The following ADAR variants were observed in gnomAD, a reference collection of about 807,000 sequenced individuals.
ADAR encodes double-stranded RNA-specific adenosine deaminase.
In ADAR, 41 loss-of-function variants were observed where a neutral mutation model predicts 113.2. The ratio of observed to expected loss-of-function variants is 0.36; its 90% CI spans 0.28 to 0.47. The LOEUF (loss-of-function observed/expected upper bound fraction) is 0.47. ADAR is among the 20% of genes least tolerant of loss of function. The pLI is 1.00. For synonymous variants in ADAR, 605 were observed against 572.6 expected, an observed-to-expected ratio of 1.06 and a Z score of -0.81; for missense variants, 1,242 against 1,540.9, an observed-to-expected ratio of 0.81 and a Z score of 3.25.
exon 1 of ADAR, chr1:154,627,934 C>G (rs1178058162): frequency 5.8e-6 from 3 of 515,540 alleles, no homozygotes; most frequent in Non-Finnish European, 1.2e-5. Flanking sequence ...CACCCTCCCC[C>G]ACCACGTAGC....
In ADAR at chr1:154,608,027, C is replaced by T. The variant is rs376170660; in HGVS notation, c.-21G>A. The T allele has an allele frequency of 6.4e-7, 1 of 1,573,428 alleles. No individual in the cohort carries two copies. On this transcript the variant is annotated 5_prime_UTR_variant, in exon 1 of 15. Transcript: ENST00000368474. ...TTCATTGCGCCCGCGAGGCATTGCCCGGCCCGACCCGCCGGCGGCACGACC... is the reference window on the plus strand; with the variant it reads ...TTCATTGCGCCCGCGAGGCATTGCCTGGCCCGACCCGCCGGCGGCACGACC...
chr1:154,598,716 C>T (rs1301673271), intron 2 of ADAR, 131 bp from the exon 3 acceptor site: 14 of 881,180 alleles, frequency 1.6e-5, no homozygotes, highest in East Asian at 2.5e-5. Flanking sequence ...AAGGGTAGGC[C>T]AAGGAACTCC....
At chr1:154,596,102 C>T (rs965422225) in intron 6 of ADAR, among the ~76,000 whole-genome samples, 13 of 152,186 alleles carry the variant, frequency 8.5e-5, no homozygotes, top group Admixed American at 2.0e-4. Flanking sequence ...CACTGATGTT[C>T]TCACAACAAC....
At chr1:154,606,933 C>T (rs1226719475) in intron 1 of ADAR, among the ~76,000 whole-genome samples, 1 of 21,074 alleles carries the variant, frequency 4.7e-5, no homozygotes, top group African/African-American at 1.7e-4. Context: ...CAAAGGAGTG[C>T]TTAAAAAAAA....
intron 9 of ADAR, among the ~76,000 whole-genome samples, chr1:154,589,018 C>A (rs944034780): frequency 1.3e-5 from 2 of 152,192 alleles, no homozygotes; most frequent in African/African-American, 4.8e-5. Context: ...CTGGCAGGGG[C>A]ATCAAGGTTG....
At chr1:154,627,671 G>T (rs1015720481) in intron 1 of ADAR, among the ~76,000 whole-genome samples, 1 of 152,234 alleles carries the variant, frequency 6.6e-6, no homozygotes, top group Non-Finnish European at 1.5e-5. Context: ...CCTCCTGGAA[G>T]GCTGCCGAGA....
At chr1:154,602,724 G>A (rs924340075) in intron 1 of ADAR, 98 bp from the exon 2 acceptor site, 2 of 1,451,936 alleles carry the variant, frequency 1.4e-6, no homozygotes, top group South Asian at 1.2e-5. Flanking sequence ...AGCCCTTGAA[G>A]GGCTGAGAAG....
chr1:154,603,238 CA>C (rs1455706613), intron 1 of ADAR, among the ~76,000 whole-genome samples: 7 of 152,114 alleles, frequency 4.6e-5, no homozygotes, highest in Admixed American at 3.3e-4. Context: ...TGTAACAGCG[CA>C]GTAACGAAAA....
intron 1 of ADAR, among the ~76,000 whole-genome samples, chr1:154,622,327 G>C (rs540877375): frequency 1.1e-4 from 17 of 152,154 alleles, no homozygotes; most frequent in Non-Finnish European, 2.5e-4. Flanking sequence ...CTCTACTTCT[G>C]GAGGGCAAGA....
chr1:154,586,420 G>A, intron 11 of ADAR, 57 bp from the exon 12 acceptor site: 2 of 1,572,160 alleles, frequency 1.3e-6, no homozygotes, highest in Admixed American at 1.7e-5. Context: ...CCACTCCCTG[G>A]CGTGGTTTCT....
At chr1:154,597,757 G>A (rs1319050554) in intron 4 of ADAR, 71 bp downstream of exon 4, 8 of 1,596,754 alleles carry the variant, frequency 5.0e-6, no homozygotes, top group Non-Finnish European at 6.0e-6. Flanking sequence ...CCCTGAGGAG[G>A]CAAGGAAGAA....
intron 6 of ADAR, among the ~76,000 whole-genome samples, chr1:154,593,778 T>G (rs2101605871): frequency 6.6e-6 from 1 of 152,168 alleles, no homozygotes; most frequent in East Asian, 1.9e-4. Flanking sequence ...TCCATGAGAG[T>G]AACAATCTGA....
chr1:154,588,458 T>A, intron 10 of ADAR, 93 bp downstream of exon 10: 1 of 1,569,850 alleles, frequency 6.4e-7, no homozygotes, highest in African/African-American at 1.3e-5. Flanking sequence ...GCTTATTGTA[T>A]CAGGTTCGAT....
Position 154,601,970 on chromosome 1 carries a change from G to C in ADAR, c.672C>G (p.Asp224Glu). 1 of 1,614,114 alleles carries C rather than the reference G, an allele frequency of 6.2e-7. No homozygotes were observed. Among genetic ancestry groups the C allele is most frequent in the Non-Finnish European group, 8.5e-7 (1 of 1,180,012 alleles). The change falls in exon 2 of 15, where the codon GAC (aspartate) becomes GAG (glutamate). Residue 224 changes from aspartate to glutamate, a missense_variant. By Grantham distance (45) the Asp-to-Glu change is conservative. Around this residue, in one of 2 missense-constraint regions of ADAR, gnomAD observed 462 missense variants for 483.1 expected, o/e 0.96. Transcript: ENST00000368474. This position sits in a 1 kb window ranked among gnomAD's most constrained non-coding sequence, Gnocchi z 4.7. ...TTCTGTCTTCCGGTTCCAAACTCGG[G>C]TCTGAGTTTGGGGCTCCTTGGCTAT... ...DGHSQGAPNS[D>E]PSLEPEDRNS... is the part of the protein sequence containing the mutation.
Position 154,598,591 on chromosome 1 carries a change from C to A in ADAR, c.1602-6G>T. On this transcript the variant is annotated splice_polypyrimidine_tract_variant and splice_region_variant and intron_variant, in intron 2 of 14. Transcript: ENST00000368474. Reference sequence around the variant, plus strand: ...TGACAACCTGGAATTTAAATCTTGACGGAAAGTGATTAGATGTGTGAACAG... The same window carrying A: ...TGACAACCTGGAATTTAAATCTTGAAGGAAAGTGATTAGATGTGTGAACAG... The A allele has an allele frequency of 6.2e-7, 1 of 1,614,068 alleles. No homozygotes were observed. Among genetic ancestry groups the A allele is most frequent in the Non-Finnish European group, 8.5e-7 (1 of 1,179,964 alleles).
chr1:154,586,499 C>T (rs906097583), intron 11 of ADAR, 136 bp from the exon 12 acceptor site: 24 of 922,626 alleles, frequency 2.6e-5, no homozygotes, highest in Admixed American at 4.0e-5. Context: ...CCCTGCTATG[C>T]GCCAGGCACT....
At position 154,596,836 on chromosome 1, in the gene ADAR, C is replaced by T. The variant is rs1697531565; in HGVS notation, c.2239G>A (p.Val747Ile). ...SHGFAAEFKL[V>I]DQSGPPHEPK... ...TCGTGAGGAGGTCCGGACTGGTCGA[C>T]CAACTTGAATTCAGCAGCAAAGCCA... Residue 747 changes from valine to isoleucine, a missense_variant, in exon 6 of 15, where the codon GTC (valine) becomes ATC (isoleucine). Physicochemically the swap from Val to Ile is conservative, Grantham distance 29 (BLOSUM62 3). Coordinates refer to ENST00000368474, the MANE Select transcript of ADAR (RefSeq NM_001111.5). The T allele has an allele frequency of 8.1e-6, 13 of 1,613,868 alleles. No individual in the cohort carries two copies. The highest frequency in any genetic ancestry group is 9.3e-6 in the Non-Finnish European group (11 of 1,180,030).
intron 2 of ADAR, 125 bp from the exon 3 acceptor site, chr1:154,598,710 G>T: frequency 3.2e-6 from 3 of 942,958 alleles, no homozygotes; most frequent in Admixed American, 1.9e-5. Context: ...GAGATGAAGG[G>T]TAGGCCAAGG....
Position 154,596,899 on chromosome 1 carries a change from T to G in ADAR, c.2176A>C (p.Asn726His), listed in dbSNP as rs200214588. The change falls in exon 6 of 15, where the codon AAC becomes CAC. Residue 726 changes from asparagine (N) to histidine (H), a missense_variant. By Grantham distance (68) the Asn-to-His change is moderately conservative. This residue lies in a region of ADAR where 780 missense variants were observed against 1,057.9 expected (regional missense o/e 0.74). Transcript: ENST00000368474. ...IGELVRYLNTNPVGGLLEYAR... is the reference protein window; with the variant it reads ...IGELVRYLNTHPVGGLLEYAR... ...TACTCCAAAAGGCCACCCACAGGGT[T>G]GGTGTTCAGGTATCTCACGAGCTCG... The G allele has an allele frequency of 6.2e-7, 1 of 1,614,146 alleles. No homozygotes were observed. Among genetic ancestry groups the G allele is most frequent in the Non-Finnish European group, 8.5e-7 (1 of 1,180,000 alleles).
Sources: allele counts gnomAD v4.1 joint callset (sites outside exome capture counted in the v4.1 genomes callset), GRCh38; gene constraint gnomAD v4.1.1; regional missense constraint gnomAD v4.1.1; non-coding constraint Gnocchi (gnomAD v3.1); transcripts MANE v1.5; gene names NCBI Gene and HGNC (gene_info 2026-07-23, HGNC 2026-07-21).